Variants in PRKN observed in about 807,000 individuals in gnomAD.
The protein encoded by PRKN is E3 ubiquitin-protein ligase parkin.
A neutral mutation model predicts 59.5 loss-of-function variants in PRKN; 56 were observed. The ratio of observed to expected loss-of-function variants is 0.94; its 90% CI spans 0.76 to 1.18. PRKN has a LOEUF of 1.18. Ranked by LOEUF, PRKN falls within the 50% of genes most tolerant of loss-of-function variation. PRKN has a pLI of 0.00. For missense variants in PRKN, 657 were observed against 596.4 expected, an observed-to-expected ratio of 1.10 and a Z score of -1.06; for synonymous variants, 250 against 222.1, an observed-to-expected ratio of 1.13 and a Z score of -1.12.
Position 161,385,768 on chromosome 6 carries a change from C to T in PRKN, c.1167+1026G>A, listed in dbSNP as rs922893728. Among the ~76,000 whole-genome samples, 9 of 152,110 alleles carry T rather than the reference C, an allele frequency of 5.9e-5. No individual in the cohort carries two copies. The highest frequency in any genetic ancestry group is 1.0e-4 in the Non-Finnish European group (7 of 68,026). On this transcript the variant is annotated intron_variant, in intron 10 of 11. Transcript: ENST00000366898. The surrounding 1 kb of genome is among the most constrained non-coding windows in gnomAD (Gnocchi z 4.9). ...TTTTGCTGTCAGTACCTGGTAAGCT[C>T]GCGTTTGAATGTCCCTGAGCTAAAA...
rs943171153 is a variant in PRKN, at chr6:161,484,795, C to A, written c.1083+64059G>T. On this transcript the variant is annotated intron_variant, in intron 9 of 11. Transcript: ENST00000366898. The surrounding 1 kb of genome is among the most constrained non-coding windows in gnomAD (Gnocchi z 4.9). ...ACTATCTCCAGACATGACCAAATAT[C>A]CCCTGGGGACAAAATCGCTGGCAAC... Among the ~76,000 whole-genome samples, 11 of 152,270 alleles carry A rather than the reference C, an allele frequency of 7.2e-5. No individual in the cohort carries two copies. The highest frequency in any genetic ancestry group is 2.1e-4 in the South Asian group (1 of 4,824).
intron 8 of PRKN, among the ~76,000 whole-genome samples, chr6:161,568,045 C>T (rs1008757368): frequency 2.0e-5 from 3 of 152,174 alleles, no homozygotes; most frequent in Non-Finnish European, 4.4e-5. Context: ...TGGAAACTCA[C>T]AATATAGAAA....
Position 162,391,190 on chromosome 6 carries a change from T to C in PRKN, c.171+52120A>G, listed in dbSNP as rs371517129. On this transcript the variant is annotated intron_variant, in intron 2 of 11. Transcript: ENST00000366898. ...AAGATAATTTTCTTACTACGCATGC[T>C]TGACATGGATTTCGAACATCTGCAA... 1.2e-4 allele frequency among the ~76,000 whole-genome samples: 19 copies of C among 152,276 alleles called. No individual in the cohort carries two copies. The East Asian group carries it at 3.7e-3, about 30-fold the overall frequency.
intron 6 of PRKN, among the ~76,000 whole-genome samples, chr6:161,864,062 T>C (rs1163727134): frequency 6.6e-6 from 1 of 152,194 alleles, no homozygotes; most frequent in African/African-American, 2.4e-5. Context: ...CAGTGGTTGC[T>C]GAAGATTGGG....
At chr6:162,254,104 T>G (rs760043769) in intron 3 of PRKN, among the ~76,000 whole-genome samples, 1 of 152,182 alleles carries the variant, frequency 6.6e-6, no homozygotes, top group Non-Finnish European at 1.5e-5. Flanking sequence ...ACTTTCTTCT[T>G]GCAGCTAAGG....
At chr6:162,160,239 G>T (rs1294682238) in intron 4 of PRKN, among the ~76,000 whole-genome samples, 1 of 152,086 alleles carries the variant, frequency 6.6e-6, no homozygotes, top group Non-Finnish European at 1.5e-5. Flanking sequence ...ACAGGCAAAA[G>T]ATTCAAGCAG....
intron 2 of PRKN, among the ~76,000 whole-genome samples, chr6:162,379,065 T>C (rs567290804): frequency 6.6e-6 from 1 of 152,334 alleles, no homozygotes; most frequent in Admixed American, 6.5e-5. Context: ...GTTTATTCTC[T>C]AAACTCCTCT....
intron 7 of PRKN, among the ~76,000 whole-genome samples, chr6:161,574,182 TG>T (rs1167086509): frequency 6.6e-6 from 1 of 151,996 alleles, no homozygotes; most frequent in Non-Finnish European, 1.5e-5. Context: ...GACACTAGTG[TG>T]GGAAATGGCC....
chr6:161,454,736 C>T lies in PRKN; in HGVS notation c.1084-67859G>A, dbSNP rs937567815. On this transcript the variant is annotated intron_variant, in intron 9 of 11. Coordinates refer to ENST00000366898, the MANE Select transcript of PRKN (RefSeq NM_004562.3). The surrounding 1 kb of genome is among the most constrained non-coding windows in gnomAD (Gnocchi z 4.6). ...GGCTACTGAAGTCCCATTAGGTTGACTACTTTCTGGAGGCCAATTGCACTT... is the reference window on the plus strand; with the variant it reads ...GGCTACTGAAGTCCCATTAGGTTGATTACTTTCTGGAGGCCAATTGCACTT... 1.3e-5 allele frequency among the ~76,000 whole-genome samples: 2 copies of T among 152,154 alleles called. No homozygotes were observed. The highest frequency in any genetic ancestry group is 2.9e-5 in the Non-Finnish European group (2 of 68,036).
intron 3 of PRKN, among the ~76,000 whole-genome samples, chr6:162,257,346 C>A (rs1396357120): frequency 6.6e-6 from 1 of 151,884 alleles, no homozygotes; most frequent in Non-Finnish European, 1.5e-5. Flanking sequence ...AAGTAGTATA[C>A]CTTGTGATAT....
chr6:162,464,140 C>T (rs964291462), intron 1 of PRKN, among the ~76,000 whole-genome samples: 2 of 152,110 alleles, frequency 1.3e-5, no homozygotes, highest in African/African-American at 4.8e-5. Flanking sequence ...CCTTATATGC[C>T]AGCTTAGAAG....
Position 161,353,532 on chromosome 6 carries a change from T to C in PRKN, c.1286-3321A>G, listed in dbSNP as rs1354960855. On this transcript the variant is annotated intron_variant, in intron 11 of 11. Transcript: ENST00000366898. The surrounding 1 kb of genome is among the most constrained non-coding windows in gnomAD (Gnocchi z 4.8). ...GGGAGCTTCCAGGTTGCTGAACACA[T>C]GGAGGTTTCTGATGGGCGGAGCACC... Among the ~76,000 whole-genome samples, 1 of 152,190 alleles carries C rather than the reference T, an allele frequency of 6.6e-6. No individual in the cohort carries two copies. Among genetic ancestry groups the C allele is most frequent in the African/African-American group, 2.4e-5 (1 of 41,452 alleles).
rs1790019018 is a variant in PRKN, at chr6:161,457,341, T to G, written c.1084-70464A>C. On this transcript the variant is annotated intron_variant, in intron 9 of 11. Transcript: ENST00000366898. This position sits in a 1 kb window ranked among gnomAD's most constrained non-coding sequence, Gnocchi z 5.0. ...ACTTACACAATATATTGACACTAAC[T>G]CTGAATGCATCCCTACTGAATAGAG... 6.6e-6 allele frequency among the ~76,000 whole-genome samples: 1 copy of G among 152,184 alleles called. No individual in the cohort carries two copies. The highest frequency in any genetic ancestry group is 1.5e-5 in the Non-Finnish European group (1 of 68,040).
chr6:162,244,376 A>AG (rs936667727), intron 3 of PRKN, among the ~76,000 whole-genome samples: 1 of 152,010 alleles, frequency 6.6e-6, no homozygotes, highest in Non-Finnish European at 1.5e-5. Flanking sequence ...CTAATTTGAC[A>AG]GGGAAAAAAA....
At chr6:161,411,240 G>T (rs1787527166) in intron 9 of PRKN, among the ~76,000 whole-genome samples, 2 of 152,110 alleles carry the variant, frequency 1.3e-5, no homozygotes, top group Non-Finnish European at 2.9e-5. Flanking sequence ...GTGGGGCCAA[G>T]TGGAGATAAT....
At chr6:162,380,525 G>GTA (rs1227157538) in intron 2 of PRKN, among the ~76,000 whole-genome samples, 2 of 132,158 alleles carry the variant, frequency 1.5e-5, no homozygotes, top group African/African-American at 5.7e-5. Flanking sequence ...ATATATATAT[G>GTA]TATATATACA....
At chr6:161,380,284 AC>A (rs1360143103) in intron 10 of PRKN, among the ~76,000 whole-genome samples, 1 of 152,132 alleles carries the variant, frequency 6.6e-6, no homozygotes, top group Admixed American at 6.6e-5. Context: ...GCCAGGTCCC[AC>A]TTTTATGCTT....
chr6:161,460,717 C>T lies in PRKN; in HGVS notation c.1084-73840G>A, dbSNP rs1291263528. Among the ~76,000 whole-genome samples, 2 of 151,964 alleles carry T rather than the reference C, an allele frequency of 1.3e-5. No individual in the cohort carries two copies. The highest frequency in any genetic ancestry group is 2.9e-5 in the Non-Finnish European group (2 of 68,004). On this transcript the variant is annotated intron_variant, in intron 9 of 11. Transcript: ENST00000366898. The surrounding 1 kb of genome is among the most constrained non-coding windows in gnomAD (Gnocchi z 5.0). ...TATTTATAGTTCATTTACAGTCCTG[C>T]CTGTCAAGATCCCACACACCAACCA...
At chr6:161,836,489 C>T (rs1354529904) in intron 6 of PRKN, among the ~76,000 whole-genome samples, 6 of 152,144 alleles carry the variant, frequency 3.9e-5, no homozygotes, top group Non-Finnish European at 5.9e-5. Flanking sequence ...CGAAGCAAAG[C>T]GTGAATGAGA....
Sources: gnomAD v4.1 joint callset for allele counts (sites outside exome capture counted in the v4.1 genomes callset) on GRCh38, gnomAD v4.1.1 for gene constraint, Gnocchi (gnomAD v3.1) non-coding constraint, MANE v1.5 for transcripts, NCBI Gene and HGNC (gene_info 2026-07-23, HGNC 2026-07-21) for gene names.